Variants in PLXNA4 observed in about 807,000 individuals in gnomAD.
PLXNA4 encodes plexin-A4.
PLXNA4 carries 44 observed loss-of-function variants against 191.8 expected under a neutral mutation model. The ratio of observed to expected loss-of-function variants is 0.23; its 90% CI spans 0.18 to 0.29. PLXNA4 has a LOEUF of 0.29. Among genes scored for constraint, PLXNA4 ranks in the 10% least tolerant of loss-of-function variants. The pLI, the probability that PLXNA4 is intolerant of heterozygous loss-of-function variation, is 1.00. For synonymous variants in PLXNA4, 1,082 were observed against 1,009.5 expected (o/e 1.07, Z -1.36); for missense variants, 1,800 against 2,488.8 (o/e 0.72, Z 5.89).
intron 3 of PLXNA4, among the ~76,000 whole-genome samples, chr7:132,464,245 G>T (rs1229460987): frequency 6.6e-6 from 1 of 152,234 alleles, no homozygotes; most frequent in African/African-American, 2.4e-5. Flanking sequence ...GAGGAGGTAA[G>T]TGGGAATATT....
chr7:132,330,654 C>T (rs1221463189), intron 3 of PLXNA4, among the ~76,000 whole-genome samples: 1 of 152,104 alleles, frequency 6.6e-6, no homozygotes, highest in African/African-American at 2.4e-5. Flanking sequence ...CAAATGGGAA[C>T]TCTTAGGGAA....
intron 2 of PLXNA4, among the ~76,000 whole-genome samples, chr7:132,593,653 G>C (rs576323765): frequency 1.3e-5 from 2 of 152,316 alleles, no homozygotes; most frequent in Admixed American, 6.5e-5. Flanking sequence ...CTCATTCCAG[G>C]GACCAAGTCA....
At chr7:132,415,214 A>G (rs565661767) in intron 3 of PLXNA4, among the ~76,000 whole-genome samples, 1 of 152,348 alleles carries the variant, frequency 6.6e-6, no homozygotes, top group African/African-American at 2.4e-5. Flanking sequence ...CAGAGCAACA[A>G]GGGCCTGCCT....
chr7:132,561,748 T>C (rs1262634456), intron 1 of PLXNA4, among the ~76,000 whole-genome samples: 834 of 47,334 alleles, frequency 0.018, no homozygotes, highest in Middle Eastern at 0.095. Flanking sequence ...TCCTCCTTCT[T>C]CTCCTCCTCC....
At chr7:132,475,073 T>C (rs1797074287) in intron 3 of PLXNA4, among the ~76,000 whole-genome samples, 1 of 152,180 alleles carries the variant, frequency 6.6e-6, no homozygotes, top group South Asian at 2.1e-4. Flanking sequence ...TGGATGTCGG[T>C]TCCAAGATTT....
rs1794856528 is a variant in PLXNA4 at position 132,129,088 on chromosome 7, C to CCAAGGT, written c.*1385_*1390dup. The CCAAGGT allele has an allele frequency of 6.6e-6, 1 of 152,230 alleles. No individual in the cohort carries two copies. Among genetic ancestry groups the CCAAGGT allele is most frequent in the African/African-American group, 2.4e-5 (1 of 41,458 alleles). The allele number at this position is 152,230 out of a possible 1,614,324, so 9.4% of individuals were successfully genotyped here. On this transcript the variant is annotated 3_prime_UTR_variant, in exon 32 of 32. Coordinates refer to ENST00000321063, the MANE Select transcript of PLXNA4 (RefSeq NM_020911.2). The stretch of plus-strand genomic sequence containing the variant: ...ACAGATGGGGAGATGGATGCCAAGG[C>CCAAGGT]CAAGGTCATTTGTATGTCCCTCTTC...
chr7:132,182,119 T>G lies in PLXNA4; in HGVS notation c.3230A>C (p.His1077Pro), dbSNP rs768791213. Reference protein sequence around the residue: ...LIQNPQIRAKHGGKEHINICE... With the variant: ...LIQNPQIRAKPGGKEHINICE... ...CACATTGATGTGCTCCTTCCCTCCA[T>G]GCTTGGCACGGATCTGGGGGTTCTG... The change falls in exon 17 of 32, where the codon CAT becomes CCT. Residue 1077 changes from histidine to proline, a missense_variant. This residue lies in a region of PLXNA4 where 1,397 missense variants were observed against 1,880.4 expected (regional missense o/e 0.74). Coordinates refer to ENST00000321063, the MANE Select transcript of PLXNA4 (RefSeq NM_020911.2). 6.2e-7 allele frequency: 1 copy of G among 1,614,162 alleles called. No homozygotes were observed.
rs1734870643 is a variant in PLXNA4 at position 132,203,550 on chromosome 7, A to G, written c.2299-131T>C. On this transcript the variant is annotated intron_variant, in intron 10 of 31. Transcript: ENST00000321063. ...ACTGGCCAAGACTGTGCTTGTGTGC[A>G]TGTGTCTACCTGTGTGCATACAAGT... 6.6e-6 allele frequency: 5 copies of G among 752,182 alleles called. No homozygotes were observed. The East Asian group carries it at 1.3e-4, about 19-fold the overall frequency. The allele number at this position is 752,182 out of a possible 1,614,324, so 46.6% of individuals were successfully genotyped here.
At chr7:132,282,279 T>A in intron 4 of PLXNA4, among the ~76,000 whole-genome samples, 1 of 152,078 alleles carries the variant, frequency 6.6e-6, no homozygotes, top group East Asian at 1.9e-4. Flanking sequence ...ATTAGGTATA[T>A]CTCCCAATAT....
intron 5 of PLXNA4, among the ~76,000 whole-genome samples, chr7:132,234,596 T>TTGTG (rs60249306): frequency 0.22 from 32,227 of 143,966 alleles, 3,635 homozygotes; most frequent in African/African-American, 0.26. Context: ...AGCATGTGTT[T>TTGTG]TGTGTGTGTG....
At chr7:132,266,500 T>C (rs1052791737) in intron 4 of PLXNA4, 3 of 152,242 alleles carry the variant, frequency 2.0e-5, no homozygotes, top group Non-Finnish European at 4.4e-5. Flanking sequence ...TCATCAAATG[T>C]TTGGAAACTA....
At chr7:132,172,280 A>G (rs1796309785) in intron 21 of PLXNA4, among the ~76,000 whole-genome samples, 1 of 152,240 alleles carries the variant, frequency 6.6e-6, no homozygotes, top group Non-Finnish European at 1.5e-5. Flanking sequence ...GGAGCCAATG[A>G]TAGACTGAAA....
chr7:132,390,505 T>A (rs1805359785), intron 3 of PLXNA4, among the ~76,000 whole-genome samples: 1 of 152,154 alleles, frequency 6.6e-6, no homozygotes, highest in Non-Finnish European at 1.5e-5. Context: ...CCATGGCACA[T>A]GTATACCTAT....
intron 3 of PLXNA4, among the ~76,000 whole-genome samples, chr7:132,390,416 G>A (rs1197315957): frequency 3.3e-5 from 5 of 152,006 alleles, no homozygotes; most frequent in South Asian, 2.1e-4. Context: ...GGGGCCTGTC[G>A]GGGGGTCGGG....
chr7:132,348,367 C>T (rs1267397168), intron 3 of PLXNA4, among the ~76,000 whole-genome samples: 1 of 152,224 alleles, frequency 6.6e-6, no homozygotes, highest in Admixed American at 6.5e-5. Flanking sequence ...AGCATTTCTC[C>T]TGTATGCTTG....
At chr7:132,244,992 A>T (rs1014876089) in intron 4 of PLXNA4, among the ~76,000 whole-genome samples, 1 of 152,040 alleles carries the variant, frequency 6.6e-6, no homozygotes, top group Non-Finnish European at 1.5e-5. Flanking sequence ...CTTGCCACTC[A>T]CAGCCTTACA....
chr7:132,432,042 T>A lies in PLXNA4; in HGVS notation c.1371+57250A>T, dbSNP rs1395367682. On this transcript the variant is annotated intron_variant, in intron 3 of 31. Coordinates refer to ENST00000321063, the MANE Select transcript of PLXNA4 (RefSeq NM_020911.2). The stretch of plus-strand genomic sequence containing the variant: ...TGTCATGAGCTCTCCCCCACACCTT[T>A]TTAGATGGCTCCTCTGTCTTCCTTT... 2.6e-5 allele frequency among the ~76,000 whole-genome samples: 4 copies of A among 152,140 alleles called. No homozygotes were observed. In the East Asian group the frequency reaches 7.7e-4, roughly 29 times the overall value.
At chr7:132,423,862 A>G (rs1031094359) in intron 3 of PLXNA4, among the ~76,000 whole-genome samples, 33 of 152,162 alleles carry the variant, frequency 2.2e-4, no homozygotes, top group Non-Finnish European at 3.2e-4. Flanking sequence ...GGATGGCCAC[A>G]CTACAGCCAC....
intron 4 of PLXNA4, among the ~76,000 whole-genome samples, chr7:132,262,656 T>A (rs1455589218): frequency 2.0e-5 from 3 of 152,112 alleles, no homozygotes; most frequent in Admixed American, 2.0e-4. Context: ...AATTAACTGA[T>A]CAATTAATAT....
Sources: gnomAD v4.1 joint callset for allele counts (sites outside exome capture counted in the v4.1 genomes callset) on GRCh38, gnomAD v4.1.1 for gene constraint, gnomAD v4.1.1 regional missense constraint, MANE v1.5 for transcripts, NCBI Gene and HGNC (gene_info 2026-07-23, HGNC 2026-07-21) for gene names.